The following DLC1 variants were observed in gnomAD, a reference collection of about 807,000 sequenced individuals.
DLC1 encodes rho GTPase-activating protein 7.
Under a neutral mutation model 140.3 loss-of-function variants are expected in DLC1, and 54 were observed. The observed-to-expected ratio is 0.38, with a 90% CI of 0.31 to 0.48. The LOEUF is 0.48. Ranked by LOEUF, DLC1 falls within the 20% of genes least tolerant of loss-of-function variation. DLC1 has a pLI of 0.96. For synonymous variants in DLC1, 986 were observed against 728.1 expected, an observed-to-expected ratio of 1.35 and a Z score of -5.70; for missense variants, 2,536 against 1,907.0, an observed-to-expected ratio of 1.33 and a Z score of -6.14.
intron 4 of DLC1, among the ~76,000 whole-genome samples, chr8:13,319,221 C>T (rs547808248): frequency 6.6e-6 from 1 of 152,200 alleles, no homozygotes; most frequent in African/African-American, 2.4e-5. Context: ...GTGAAAGTAA[C>T]TTATTGTAAG....
At chr8:13,591,570 C>G (rs988537972) in intron 1 of DLC1, among the ~76,000 whole-genome samples, 13 of 152,060 alleles carry the variant, frequency 8.5e-5, no homozygotes, top group African/African-American at 2.9e-4. Flanking sequence ...ATTACCCAGT[C>G]TTGGGTATTT....
At chr8:13,445,022 G>C (rs1366055062) in intron 2 of DLC1, among the ~76,000 whole-genome samples, 1 of 151,998 alleles carries the variant, frequency 6.6e-6, no homozygotes, top group Non-Finnish European at 1.5e-5. Context: ...AGGTAGGAGA[G>C]ACAGAGATTG....
intron 5 of DLC1, among the ~76,000 whole-genome samples, chr8:13,287,306 G>C (rs1213757784): frequency 6.6e-6 from 1 of 152,126 alleles, no homozygotes; most frequent in Admixed American, 6.5e-5. Context: ...TAAGCAATCA[G>C]AAAATTCTTA....
intron 5 of DLC1, among the ~76,000 whole-genome samples, chr8:13,147,596 G>C (rs1823527121): frequency 6.6e-6 from 1 of 152,154 alleles, no homozygotes; most frequent in African/African-American, 2.4e-5. Flanking sequence ...CCAGGACCAA[G>C]GTTCGAACAG....
intron 4 of DLC1, among the ~76,000 whole-genome samples, chr8:13,388,226 T>C (rs1836606757): frequency 6.6e-6 from 1 of 152,034 alleles, no homozygotes; most frequent in Non-Finnish European, 1.5e-5. Flanking sequence ...AATAGTATTT[T>C]ATTGGCATTA....
At chr8:13,097,302 C>G (rs2128934554) in intron 10 of DLC1, among the ~76,000 whole-genome samples, 1 of 151,684 alleles carries the variant, frequency 6.6e-6, no homozygotes, top group East Asian at 1.9e-4. Context: ...TACTCTGTCA[C>G]CCAGGCTGGA....
At chr8:13,140,475 C>G (rs10102084) in intron 5 of DLC1, among the ~76,000 whole-genome samples, 1 of 151,628 alleles carries the variant, frequency 6.6e-6, no homozygotes, top group Non-Finnish European at 1.5e-5. Context: ...TCAAGCGATT[C>G]GCCTGCCTCT....
chr8:13,391,162 G>C (rs553938078), intron 4 of DLC1, among the ~76,000 whole-genome samples: 1 of 149,726 alleles, frequency 6.7e-6, no homozygotes, highest in South Asian at 2.1e-4. Flanking sequence ...CCAGTAGCTG[G>C]ACAGAGCTGC....
chr8:13,331,973 C>A (rs1429653388), intron 4 of DLC1, among the ~76,000 whole-genome samples: 1 of 152,172 alleles, frequency 6.6e-6, no homozygotes, highest in African/African-American at 2.4e-5. Flanking sequence ...GTAACTTCTA[C>A]ACACAAAGAC....
chr8:13,579,360 TA>T (rs1276351918), intron 1 of DLC1, among the ~76,000 whole-genome samples: 2 of 30,914 alleles, frequency 6.5e-5, no homozygotes, highest in African/African-American at 1.7e-4. Context: ...TATATATATA[TA>T]TTTTTATATA....
chr8:13,449,457 A>AT (rs1398735366), intron 2 of DLC1, among the ~76,000 whole-genome samples: 2 of 152,190 alleles, frequency 1.3e-5, no homozygotes, highest in Non-Finnish European at 2.9e-5. Context: ...ACTTTTATCT[A>AT]TTATGTACTG....
chr8:13,099,495 T>A lies in DLC1; in HGVS notation c.2842A>T (p.Lys948Ter). The change falls in exon 9 of 18, where the codon AAA (lysine) becomes TAA (stop). Residue 948 changes from lysine to a stop codon, truncating the protein, a stop_gained. Coordinates refer to ENST00000276297, the MANE Select transcript of DLC1 (RefSeq NM_182643.3). LOFTEE classifies it high-confidence loss of function. ...TTGTCCACATCCAGGTGTATCTGTT[T>A]TGGAGAGGACGGGCAGGGAGAGACC... ...DSVSPCPSSP[K>*]QIHLDVDNDR... 1 of 1,614,138 alleles carries A rather than the reference T, an allele frequency of 6.2e-7. No homozygotes were observed. The highest frequency in any genetic ancestry group is 8.5e-7 in the Non-Finnish European group (1 of 1,180,032).
chr8:13,570,294 CT>C (rs112007896), intron 1 of DLC1, among the ~76,000 whole-genome samples: 4,284 of 121,716 alleles, frequency 0.035, 86 homozygotes, highest in African/African-American at 0.062. Flanking sequence ...TAAATTCTCT[CT>C]TTTTTTTTTT....
chr8:13,577,609 A>G (rs537018570), intron 1 of DLC1, among the ~76,000 whole-genome samples: 1 of 152,200 alleles, frequency 6.6e-6, no homozygotes, highest in Non-Finnish European at 1.5e-5. Context: ...TAGAACCTAC[A>G]TTGTATAGGG....
At chr8:13,538,130 C>G (rs943821886) in intron 1 of DLC1, among the ~76,000 whole-genome samples, 6 of 152,076 alleles carry the variant, frequency 3.9e-5, no homozygotes, top group Admixed American at 6.6e-5. Context: ...TTCTTACAAA[C>G]TATCTGAGGT....
chr8:13,487,083 G>T (rs1399802812), intron 2 of DLC1, among the ~76,000 whole-genome samples: 3 of 152,104 alleles, frequency 2.0e-5, no homozygotes, highest in Non-Finnish European at 4.4e-5. Context: ...TGGAAATGTG[G>T]AATCAGAGCA....
chr8:13,580,184 G>C (rs955947495), intron 1 of DLC1, among the ~76,000 whole-genome samples: 22 of 151,622 alleles, frequency 1.5e-4, no homozygotes, highest in Non-Finnish European at 5.9e-5. Flanking sequence ...GTGCAGTGGC[G>C]CAATCTCGGC....
chr8:13,408,012 A>G (rs1837638911), intron 2 of DLC1, among the ~76,000 whole-genome samples: 1 of 152,180 alleles, frequency 6.6e-6, no homozygotes, highest in African/African-American at 2.4e-5. Flanking sequence ...AGCAGTGAAG[A>G]TTTTCATGTA....
intron 5 of DLC1, among the ~76,000 whole-genome samples, chr8:13,184,408 T>C (rs111235378): frequency 0.15 from 22,920 of 152,230 alleles, 1,834 homozygotes; most frequent in South Asian, 0.21. Flanking sequence ...CAATTTTAGA[T>C]CTTTTCTGCT....
Sources: allele counts gnomAD v4.1 joint callset (sites outside exome capture counted in the v4.1 genomes callset), GRCh38; gene constraint gnomAD v4.1.1; transcripts MANE v1.5; gene names NCBI Gene and HGNC (gene_info 2026-07-23, HGNC 2026-07-21).